R3HDM1: variants seen among roughly 807,000 people sequenced by gnomAD.
R3HDM1 encodes R3H domain-containing protein 1.
R3HDM1 carries 46 observed loss-of-function variants against 141.1 expected under a neutral mutation model. The observed-to-expected ratio is 0.33, with a 90% CI of 0.26 to 0.42. R3HDM1 has a LOEUF of 0.42. Ranked by LOEUF, R3HDM1 falls within the 10% of genes least tolerant of loss-of-function variation. The pLI, the probability that R3HDM1 is intolerant of heterozygous loss-of-function variation, is 1.00. For missense variants in R3HDM1, 1,184 were observed against 1,368.3 expected (o/e 0.87, Z 2.12); for synonymous variants, 435 against 472.9 (o/e 0.92, Z 1.04).
chr2:135,646,677 C>T lies in R3HDM1; in HGVS notation c.1623+1150C>T, dbSNP rs540221725. On this transcript the variant is annotated intron_variant, in intron 16 of 26. Coordinates refer to ENST00000683871, the MANE Select transcript of R3HDM1 (RefSeq NM_001378107.1). Reference sequence around the variant, plus strand: ...AGCCTGGCCCAAATGGTGAAACCCCCGTCTCTACTAAAAATACAAAAATTA... The same window carrying T: ...AGCCTGGCCCAAATGGTGAAACCCCTGTCTCTACTAAAAATACAAAAATTA... Among the ~76,000 whole-genome samples, 13 of 150,936 alleles carry T rather than the reference C, an allele frequency of 8.6e-5. No homozygotes were observed. The South Asian group carries it at 1.3e-3, about 15-fold the overall frequency.
intron 19 of R3HDM1, chr2:135,667,648 G>T: frequency 1.0e-6 from 1 of 976,794 alleles, no homozygotes; most frequent in African/African-American, 1.8e-5. Context: ...CCAAGTTGGA[G>T]TCGGGATACT....
At chr2:135,538,776 G>C (rs1479538038) in intron 1 of R3HDM1, among the ~76,000 whole-genome samples, 1 of 152,056 alleles carries the variant, frequency 6.6e-6, no homozygotes, top group Non-Finnish European at 1.5e-5. Flanking sequence ...ACCATGCCCG[G>C]CTAATTTTTG....
Position 135,669,401 on chromosome 2 carries a change from C to G in R3HDM1, c.2153-5931C>G, listed in dbSNP as rs955546246. The G allele has an allele frequency of 1.0e-5, 10 of 984,494 alleles. No homozygotes were observed. In the African/African-American group the frequency reaches 1.7e-4, roughly 17 times the overall value. The allele number at this position is 984,494 out of a possible 1,614,324, so 61.0% of individuals were successfully genotyped here. A position where few individuals can be genotyped will look rare whatever the true frequency, so the allele number is the denominator to read the frequency against. On this transcript the variant is annotated intron_variant, in intron 19 of 26. Coordinates refer to ENST00000683871, the MANE Select transcript of R3HDM1 (RefSeq NM_001378107.1). ...TATACTCACCAATAAATCTTTAGTT[C>G]AAATGAACGAAAAGTTTCCTTGTTG...
At chr2:135,568,282 A>G (rs921065360) in intron 1 of R3HDM1, among the ~76,000 whole-genome samples, 5 of 151,848 alleles carry the variant, frequency 3.3e-5, no homozygotes. Context: ...TTCTGGGCTT[A>G]AGTGATCCGC....
At chr2:135,696,620 T>C (rs2073288084) in intron 21 of R3HDM1, among the ~76,000 whole-genome samples, 1 of 152,096 alleles carries the variant, frequency 6.6e-6, no homozygotes, top group Non-Finnish European at 1.5e-5. Context: ...GCCTCCCAAG[T>C]AGCTGGGACT....
Position 135,531,574 on chromosome 2 carries a change from A to AGCCCCGCCGTC in R3HDM1, c.-299_-289dup, listed in dbSNP as rs1353587256. ...GTAAGACTCTTACTTGCACCCACCC[A>AGCCCCGCCGTC]GCCCCGCCGTCGCCCCGCCGCGCCG... On this transcript the variant is annotated 5_prime_UTR_variant, in exon 1 of 27. An upstream open reading frame in the 5' UTR loses its in-frame stop. Transcript: ENST00000683871. 2.0e-6 allele frequency: 2 copies of AGCCCCGCCGTC among 986,424 alleles called. No homozygotes were observed. Among genetic ancestry groups the AGCCCCGCCGTC allele is most frequent in the Non-Finnish European group, 2.4e-6 (2 of 830,588 alleles). The allele number at this position is 986,424 out of a possible 1,614,324, so 61.1% of individuals were successfully genotyped here. A position where few individuals can be genotyped will look rare whatever the true frequency, so the allele number is the denominator to read the frequency against.
At chr2:135,667,604 C>T (rs2067721992) in intron 19 of R3HDM1, 2 of 951,048 alleles carry the variant, frequency 2.1e-6, no homozygotes, top group African/African-American at 1.8e-5. Flanking sequence ...CTAAAATATA[C>T]TTTTTAGTGA....
chr2:135,585,202 G>A (rs1291028401), intron 1 of R3HDM1, among the ~76,000 whole-genome samples: 2 of 152,118 alleles, frequency 1.3e-5, no homozygotes, highest in Non-Finnish European at 2.9e-5. Context: ...GGATTTCTAT[G>A]TATTTTTAAC....
At chr2:135,683,418 G>A (rs1362876028) in intron 21 of R3HDM1, among the ~76,000 whole-genome samples, 1 of 151,988 alleles carries the variant, frequency 6.6e-6, no homozygotes, top group Non-Finnish European at 1.5e-5. Flanking sequence ...GCCGGGCGCG[G>A]TGGTGGGTGC....
At position 135,641,616 on chromosome 2, in the gene R3HDM1, A is replaced by C; in HGVS notation, c.1300A>C (p.Ser434Arg). The C allele has an allele frequency of 6.2e-7, 1 of 1,614,136 alleles. No homozygotes were observed. The highest frequency in any genetic ancestry group is 8.5e-7 in the Non-Finnish European group (1 of 1,180,014). The change falls in exon 15 of 27, where the codon AGC (serine) becomes CGC (arginine). Residue 434 changes from serine (S) to arginine (R), a missense_variant. Physicochemically the swap from Ser to Arg is moderately radical, Grantham distance 110. Around this residue, in one of 5 missense-constraint regions of R3HDM1, gnomAD observed 240 missense variants for 312.3 expected, o/e 0.77. Coordinates refer to ENST00000683871, the MANE Select transcript of R3HDM1 (RefSeq NM_001378107.1). ...IQQPLPGTALSQSSHGAPVVY... is the reference protein window; with the variant it reads ...IQQPLPGTALRQSSHGAPVVY... ...GCAGCCTCTTCCAGGTACAGCTCTC[A>C]GCCAGTCTTCTCATGGCGCACCTGT...
At chr2:135,631,578 T>G (rs919322679) in intron 7 of R3HDM1, 140 bp from the exon 8 acceptor site, 2 of 559,328 alleles carry the variant, frequency 3.6e-6, no homozygotes, top group African/African-American at 2.0e-5. Flanking sequence ...TTAATAAATA[T>G]TCTAGCATCA....
At chr2:135,651,273 ATAGAATTTGCATTTTGCCTTC>A (rs2065119216) in intron 17 of R3HDM1, 1 of 985,194 alleles carries the variant, frequency 1.0e-6, no homozygotes, top group African/African-American at 1.7e-5. Flanking sequence ...ACAAAAATGC[ATAGAATTTGCATTTTGCCTTC>A]TAGGAAGAGG....
chr2:135,661,949 G>T (rs1358190137), intron 19 of R3HDM1, among the ~76,000 whole-genome samples: 1 of 152,190 alleles, frequency 6.6e-6, no homozygotes, highest in Non-Finnish European at 1.5e-5. Flanking sequence ...CCACTTAAAT[G>T]AAATTTATTA....
At chr2:135,683,131 T>G (rs1221549782) in intron 21 of R3HDM1, among the ~76,000 whole-genome samples, 1 of 152,244 alleles carries the variant, frequency 6.6e-6, no homozygotes, top group East Asian at 1.9e-4. Context: ...ATTGATCTGT[T>G]CCAAGTATAG....
At chr2:135,659,695 C>T (rs1289269936) in intron 18 of R3HDM1, among the ~76,000 whole-genome samples, 1 of 152,202 alleles carries the variant, frequency 6.6e-6, no homozygotes, top group Non-Finnish European at 1.5e-5. Context: ...GCCTCAGCCT[C>T]CCAAAGTGCT....
chr2:135,654,543 T>C (rs1213667412), intron 18 of R3HDM1, among the ~76,000 whole-genome samples: 1 of 151,874 alleles, frequency 6.6e-6, no homozygotes, highest in Middle Eastern at 3.2e-3. Context: ...CCGCCTGCCA[T>C]GTTCAAGCAA....
At chr2:135,555,084 G>A (rs1272856954) in intron 1 of R3HDM1, among the ~76,000 whole-genome samples, 3 of 152,012 alleles carry the variant, frequency 2.0e-5, no homozygotes, top group Non-Finnish European at 4.4e-5. Flanking sequence ...GGCGGATCAC[G>A]AGGTCAAGAG....
At chr2:135,604,745 A>G in intron 2 of R3HDM1, 61 bp from the exon 3 acceptor site, 1 of 1,211,034 alleles carries the variant, frequency 8.3e-7, no homozygotes. Flanking sequence ...ACAGTAGGTC[A>G]GTATCATGCA....
intron 21 of R3HDM1, among the ~76,000 whole-genome samples, chr2:135,706,983 C>T (rs986021824): frequency 3.3e-5 from 5 of 151,896 alleles, no homozygotes; most frequent in Non-Finnish European, 5.9e-5. Flanking sequence ...ACCTCCCGGA[C>T]GGGGCGGCTG....
Sources: gnomAD v4.1 joint callset for allele counts (sites outside exome capture counted in the v4.1 genomes callset) on GRCh38, gnomAD v4.1.1 for gene constraint, gnomAD v4.1.1 regional missense constraint, MANE v1.5 for transcripts, NCBI Gene and HGNC (gene_info 2026-07-23, HGNC 2026-07-21) for gene names.